CACNA1H: variants seen among roughly 807,000 people sequenced by gnomAD.
The protein encoded by CACNA1H is voltage-dependent T-type calcium channel subunit alpha-1H.
Under a neutral mutation model 192.5 loss-of-function variants are expected in CACNA1H, and 149 were observed. The ratio of observed to expected loss-of-function variants is 0.77; its 90% CI spans 0.68 to 0.89. CACNA1H has a LOEUF of 0.89. CACNA1H is among the 40% of genes least tolerant of loss of function. The probability of loss-of-function intolerance (pLI) is 0.00; values close to 1 mark genes in which losing one functional copy is unlikely to be tolerated. For missense variants in CACNA1H, 4,257 were observed against 3,423.5 expected (o/e 1.24, Z -6.08); for synonymous variants, 2,202 against 1,475.2 (o/e 1.49, Z -11.29).
Position 1,220,596 on chromosome 16 carries a change from T to C in CACNA1H, c.6664T>C (p.Ser2222Pro), listed in dbSNP as rs1970407026. The C allele has an allele frequency of 6.4e-7, 1 of 1,555,226 alleles. No homozygotes were observed. The highest frequency in any genetic ancestry group is 8.6e-7 in the Non-Finnish European group (1 of 1,157,164). ...GSTTLRRRTPSCEATPHRDSL... is the reference protein window; with the variant it reads ...GSTTLRRRTPPCEATPHRDSL... ...CACCACACTGAGGCGCAGGACCCCG[T>C]CCTGTGAGGCCACGCCTCACAGGGA... is the stretch of plus-strand genomic sequence containing the variant. Residue 2222 changes from serine (S) to proline (P), a missense_variant, in exon 35 of 35, where the codon TCC (serine) becomes CCC (proline). Transcript: ENST00000348261.
rs777733073 is a variant in CACNA1H at position 1,218,608 on chromosome 16, G to A, written c.5844G>A (p.Leu1948=). The change falls in exon 33 of 35, where the codon CTG becomes CTA. Residue 1948 remains leucine, a synonymous_variant. Coordinates refer to ENST00000348261, the MANE Select transcript of CACNA1H (RefSeq NM_021098.3). ...VPASAPHPRP[L]QEVEMETYGA... ...CCTCGGCGCCCCACCCCCGCCCGCTGCAGGAGGTGGAGATGGAGACCTATG... is the reference window on the plus strand; with the variant it reads ...CCTCGGCGCCCCACCCCCGCCCGCTACAGGAGGTGGAGATGGAGACCTATG... 4 of 1,564,716 alleles carry A rather than the reference G, an allele frequency of 2.6e-6. No homozygotes were observed. Among genetic ancestry groups the A allele is most frequent in the East Asian group, 4.7e-5 (2 of 42,390 alleles).
chr16:1,201,540 G>A, intron 8 of CACNA1H, 123 bp from the exon 9 acceptor site: 1 of 1,217,160 alleles, frequency 8.2e-7, no homozygotes. Flanking sequence ...GCCCATAGCA[G>A]GGCACCTCGC....
chr16:1,220,422 G>C lies in CACNA1H; in HGVS notation c.6490G>C (p.Glu2164Gln). ...WRPSAELGSG[E>Q]PGEAKAWGPE... The stretch of plus-strand genomic sequence containing the variant: ...GCCCTCGGCGGAGCTGGGCAGCGGG[G>C]AGCCTGGGGAGGCGAAGGCCTGGGG... Residue 2164 changes from glutamate (E) to glutamine (Q), a missense_variant, in exon 35 of 35, where the codon GAG becomes CAG. Glu to Gln is a conservative substitution (Grantham distance 29). Coordinates refer to ENST00000348261, the MANE Select transcript of CACNA1H (RefSeq NM_021098.3). The C allele has an allele frequency of 6.5e-7, 1 of 1,532,158 alleles. No individual in the cohort carries two copies. The allele number at this position is 1,532,158 out of a possible 1,614,324, so 94.9% of individuals were successfully genotyped here. A position where few individuals can be genotyped will look rare whatever the true frequency, so the allele number is the denominator to read the frequency against.
At position 1,213,937 on chromosome 16, in the gene CACNA1H, TGCGAGGGGGCC is replaced by T. The variant is rs752221447; in HGVS notation, c.4929+15_4929+25del. On this transcript the variant is annotated splice_region_variant and intron_variant, in intron 27 of 34. Coordinates refer to ENST00000348261, the MANE Select transcript of CACNA1H (RefSeq NM_021098.3). ...AGCACTATAACCAACCCAAGGTGGGTGCGAGGGGGCCGCGAGGGGCCCAGGGGCTGGGGCAC... is the reference window on the plus strand; with the variant it reads ...AGCACTATAACCAACCCAAGGTGGGTGCGAGGGGCCCAGGGGCTGGGGCAC... 2.1e-5 allele frequency: 34 copies of T among 1,608,486 alleles called. No individual in the cohort carries two copies. In the East Asian group the frequency reaches 3.1e-4, roughly 15 times the overall value.
Position 1,196,580 on chromosome 16 carries a change from G to T in CACNA1H, c.643+557G>T, listed in dbSNP as rs574742114. 3.3e-5 allele frequency among the ~76,000 whole-genome samples: 5 copies of T among 152,350 alleles called. No individual in the cohort carries two copies. The South Asian group carries it at 6.2e-4, about 19-fold the overall frequency. On this transcript the variant is annotated intron_variant, in intron 5 of 34. Coordinates refer to ENST00000348261, the MANE Select transcript of CACNA1H (RefSeq NM_021098.3). ...CACCTAAGGAAAGGGGAAGTTGGCT[G>T]GCCAGGGCTGGGCCTCCGTGTCCCC...
intron 2 of CACNA1H, among the ~76,000 whole-genome samples, chr16:1,191,000 C>G (rs144431186): frequency 0.015 from 1,757 of 113,408 alleles, 23 homozygotes; most frequent in African/African-American, 0.05. Flanking sequence ...CAGCAGGCTG[C>G]CCTGGCTGTG....
At chr16:1,210,345 C>CCCCCCCCCCCCCCCCCCCCCCCCCGG in intron 18 of CACNA1H, 25 bp from the exon 19 acceptor site, 1 of 1,058,316 alleles carries the variant, frequency 9.4e-7, no homozygotes, top group Non-Finnish European at 1.4e-6. Flanking sequence ...CCCGCCCCAC[C>CCCCCCCCCCCCCCCCCCCCCCCCCGG]TCTCACCCGC....
chr16:1,208,267 C>T (rs1968993135), intron 16 of CACNA1H, 46 bp downstream of exon 16: 3 of 1,377,666 alleles, frequency 2.2e-6, no homozygotes, highest in African/African-American at 2.9e-5. Flanking sequence ...TTCAGGTTTT[C>T]CCTGCCTGGC....
intron 2 of CACNA1H, among the ~76,000 whole-genome samples, chr16:1,163,934 G>A (rs866959605): frequency 2.0e-5 from 3 of 152,182 alleles, no homozygotes; most frequent in East Asian, 1.9e-4. Context: ...GTGACTCAGC[G>A]GCTCAGCTTC....
rs1045330600 is a variant in CACNA1H, at chr16:1,210,454, C to A, written c.3930C>A (p.Thr1310=). ...VLVFIFLNCV[T]IALERPDIDP... ...TCTTCATCTTCCTCAACTGCGTCAC[C>A]ATCGCCCTGGAGAGGCCTGACATTG... The change falls in exon 19 of 35, where the codon ACC becomes ACA. Residue 1310 remains threonine, a synonymous_variant. Transcript: ENST00000348261. 1.9e-6 allele frequency: 3 copies of A among 1,612,024 alleles called. No homozygotes were observed. Among genetic ancestry groups the A allele is most frequent in the African/African-American group, 2.7e-5 (2 of 74,830 alleles).
Position 1,213,794 on chromosome 16 carries a change from C to G in CACNA1H, c.4792C>G (p.Pro1598Ala). 1 of 1,565,862 alleles carries G rather than the reference C, an allele frequency of 6.4e-7. No individual in the cohort carries two copies. The highest frequency in any genetic ancestry group is 8.6e-7 in the Non-Finnish European group (1 of 1,157,914). Residue 1598 changes from proline to alanine, a missense_variant, in exon 27 of 35, where the codon CCC (proline) becomes GCC (alanine). Transcript: ENST00000348261. ...TFPSPEAQRR[P>A]YYADYSPTRR... is the part of the protein sequence containing the mutation. The stretch of plus-strand genomic sequence containing the variant: ...CCTCCCCGCAGAGGCCCAGCGCCGG[C>G]CCTACTATGCCGACTACTCGCCCAC...
chr16:1,178,678 C>T (rs928652112), intron 2 of CACNA1H, among the ~76,000 whole-genome samples: 1 of 152,142 alleles, frequency 6.6e-6, no homozygotes, highest in Non-Finnish European at 1.5e-5. Context: ...AAAGGGGCCA[C>T]ACTGTCCCTC....
intron 12 of CACNA1H, 136 bp from the exon 13 acceptor site, chr16:1,206,865 T>A (rs1375694936): frequency 1.0e-5 from 6 of 599,392 alleles, no homozygotes; most frequent in Non-Finnish European, 1.8e-5. Context: ...CCAGGGAGGG[T>A]AGGAGGCCAG....
intron 18 of CACNA1H, 53 bp downstream of exon 18, chr16:1,210,188 C>T: frequency 2.8e-6 from 4 of 1,443,778 alleles, no homozygotes; most frequent in Non-Finnish European, 1.9e-6. Context: ...CACGGGACCC[C>T]CGCCCCCAGG....
intron 2 of CACNA1H, among the ~76,000 whole-genome samples, chr16:1,171,901 A>T (rs575808891): frequency 1.3e-5 from 2 of 152,242 alleles, no homozygotes; most frequent in African/African-American, 2.4e-5. Context: ...GCCCAAGGCC[A>T]GGGAGCAGTG....
At chr16:1,162,379 C>T (rs557218686) in intron 2 of CACNA1H, among the ~76,000 whole-genome samples, 1 of 152,166 alleles carries the variant, frequency 6.6e-6, no homozygotes, top group African/African-American at 2.4e-5. Flanking sequence ...TGTGGGCCCC[C>T]CCGGAGGGAG....
rs764360814 is a variant in CACNA1H at position 1,207,865 on chromosome 16, G to A, written c.3154+5G>A. ...TCAGAGAACTCCAGACCACAGGTGC[G>A]TGTGGTCGGTGGGTGGTCCGGGTTC... On this transcript the variant is annotated splice_donor_5th_base_variant and intron_variant, in intron 15 of 34. Coordinates refer to ENST00000348261, the MANE Select transcript of CACNA1H (RefSeq NM_021098.3). The A allele has an allele frequency of 6.2e-5, 98 of 1,579,982 alleles. No individual in the cohort carries two copies. The highest frequency in any genetic ancestry group is 7.3e-5 in the Non-Finnish European group (85 of 1,162,720).
In CACNA1H at chr16:1,180,513, C is replaced by G. The variant is rs1422112596; in HGVS notation, c.300-14459C>G. Among the ~76,000 whole-genome samples, 1 of 152,150 alleles carries G rather than the reference C, an allele frequency of 6.6e-6. No individual in the cohort carries two copies. The highest frequency in any genetic ancestry group is 1.5e-5 in the Non-Finnish European group (1 of 68,002). On this transcript the variant is annotated intron_variant, in intron 2 of 34. Coordinates refer to ENST00000348261, the MANE Select transcript of CACNA1H (RefSeq NM_021098.3). The surrounding 1 kb of genome is among the most constrained non-coding windows in gnomAD (Gnocchi z 4.4). ...TGGTGTCCCTGGCGTCCCCATACCC[C>G]CTCCGAGGCACAGCCACAGTCTCTG... is the stretch of plus-strand genomic sequence containing the variant.
At chr16:1,170,098 C>T (rs1043481763) in intron 2 of CACNA1H, among the ~76,000 whole-genome samples, 2 of 152,210 alleles carry the variant, frequency 1.3e-5, no homozygotes, top group South Asian at 2.1e-4. Context: ...CGGCTTACAG[C>T]GAGCTCCCAG....
Sources: gnomAD v4.1 joint callset for allele counts (sites outside exome capture counted in the v4.1 genomes callset) on GRCh38, gnomAD v4.1.1 for gene constraint, Gnocchi (gnomAD v3.1) non-coding constraint, MANE v1.5 for transcripts, NCBI Gene and HGNC (gene_info 2026-07-23, HGNC 2026-07-21) for gene names.